The following NIPSNAP2 variants were observed in gnomAD, a reference collection of about 807,000 sequenced individuals.
The protein encoded by NIPSNAP2 is nipsnap homolog 2, also known as protein NipSnap homolog 2.
A neutral mutation model predicts 48.4 loss-of-function variants in NIPSNAP2; 42 were observed. The observed-to-expected ratio is 0.87, with a 90% CI of 0.68 to 1.12. The LOEUF (loss-of-function observed/expected upper bound fraction) is 1.12. NIPSNAP2 is among the 50% of genes most tolerant of loss of function. The pLI, the probability that NIPSNAP2 is intolerant of heterozygous loss-of-function variation, is 0.00. For missense variants in NIPSNAP2, 314 were observed against 347.3 expected, an observed-to-expected ratio of 0.90 and a Z score of 0.76; for synonymous variants, 158 against 126.6, an observed-to-expected ratio of 1.25 and a Z score of -1.67.
At chr7:55,982,897 C>T (rs1203033977) in intron 5 of NIPSNAP2, among the ~76,000 whole-genome samples, 1 of 152,080 alleles carries the variant, frequency 6.6e-6, no homozygotes, top group Non-Finnish European at 1.5e-5. Context: ...CCAAGGCAGG[C>T]ATATCAGTTG....
intron 7 of NIPSNAP2, among the ~76,000 whole-genome samples, chr7:55,991,450 T>C (rs1787441715): frequency 6.6e-6 from 1 of 151,682 alleles, no homozygotes; most frequent in African/African-American, 2.4e-5. Flanking sequence ...TATTCAGTTA[T>C]TTAAAAAATT....
At chr7:55,978,095 A>T in intron 1 of NIPSNAP2, 31 bp from the exon 2 acceptor site, 1 of 1,612,916 alleles carries the variant, frequency 6.2e-7, no homozygotes, top group Non-Finnish European at 8.5e-7. Flanking sequence ...AAAACAGTAT[A>T]CTGCGTGACA....
chr7:55,994,171 T>C (rs1787508142), intron 7 of NIPSNAP2, among the ~76,000 whole-genome samples: 1 of 152,166 alleles, frequency 6.6e-6, no homozygotes, highest in Non-Finnish European at 1.5e-5. Flanking sequence ...TACAGTGCCC[T>C]GTGGCACCTT....
intron 1 of NIPSNAP2, among the ~76,000 whole-genome samples, chr7:55,974,030 A>G (rs911389561): frequency 1.3e-5 from 2 of 151,996 alleles, no homozygotes; most frequent in East Asian, 2.0e-4. Flanking sequence ...TTCGAGACCA[A>G]CCTGGCCAAC....
At chr7:55,990,863 C>T (rs1787429915) in intron 7 of NIPSNAP2, among the ~76,000 whole-genome samples, 1 of 151,414 alleles carries the variant, frequency 6.6e-6, no homozygotes, top group Admixed American at 6.6e-5. Flanking sequence ...TCTCGGCTCA[C>T]TCCAATCTCT....
chr7:55,992,406 C>T (rs1277953542), intron 7 of NIPSNAP2, among the ~76,000 whole-genome samples: 2 of 152,136 alleles, frequency 1.3e-5, no homozygotes, highest in African/African-American at 4.8e-5. Flanking sequence ...AGGAGGCTCC[C>T]TCGAGCCCAA....
chr7:55,986,540 T>C (rs112986719), intron 7 of NIPSNAP2, among the ~76,000 whole-genome samples: 3 of 152,014 alleles, frequency 2.0e-5, no homozygotes, highest in African/African-American at 7.2e-5. Context: ...TGTGCACCTG[T>C]AGTTCCAGCT....
At chr7:55,995,430 A>G (rs2116378548) in intron 8 of NIPSNAP2, among the ~76,000 whole-genome samples, 1 of 151,872 alleles carries the variant, frequency 6.6e-6, no homozygotes, top group Admixed American at 6.6e-5. Flanking sequence ...CCCCCTCACC[A>G]TTTCCATCCC....
At chr7:55,990,390 G>A (rs528617920) in intron 7 of NIPSNAP2, among the ~76,000 whole-genome samples, 13 of 151,908 alleles carry the variant, frequency 8.6e-5, no homozygotes, top group East Asian at 3.9e-4. Flanking sequence ...CATCACACCC[G>A]GCTAATTTTT....
At chr7:55,977,993 T>C in intron 1 of NIPSNAP2, 133 bp from the exon 2 acceptor site, 2 of 951,588 alleles carry the variant, frequency 2.1e-6, no homozygotes, top group African/African-American at 1.6e-5. Context: ...GCTGTTGTCA[T>C]GGAAAGCAGG....
intron 7 of NIPSNAP2, among the ~76,000 whole-genome samples, chr7:55,987,004 A>AAC (rs1554343501): frequency 6.5e-4 from 94 of 144,094 alleles, no homozygotes; most frequent in African/African-American, 2.2e-3. Context: ...AAAAAAAAAA[A>AAC]AAAAAACTTG....
At chr7:55,988,001 A>G (rs1787366007) in intron 7 of NIPSNAP2, among the ~76,000 whole-genome samples, 1 of 152,152 alleles carries the variant, frequency 6.6e-6, no homozygotes, top group African/African-American at 2.4e-5. Context: ...GGCCAGGTGC[A>G]GTGGCTCACA....
chr7:55,997,221 G>T, intron 8 of NIPSNAP2, 145 bp from the exon 9 acceptor site: 1 of 493,176 alleles, frequency 2.0e-6, no homozygotes, highest in Non-Finnish European at 3.6e-6. Context: ...ATTTTGCTCA[G>T]AATTTCCCCA....
At chr7:55,974,267 AGAAAGAAAG>A (rs1367184599) in intron 1 of NIPSNAP2, among the ~76,000 whole-genome samples, 4 of 141,778 alleles carry the variant, frequency 2.8e-5, no homozygotes, top group Non-Finnish European at 4.7e-5. Context: ...GCAAAAAAAA[AGAAAGAAAG>A]AAAGAAAGAA....
intron 7 of NIPSNAP2, among the ~76,000 whole-genome samples, chr7:55,987,870 T>G (rs1391051119): frequency 6.6e-6 from 1 of 152,212 alleles, no homozygotes; most frequent in Non-Finnish European, 1.5e-5. Context: ...GAAAATGTTT[T>G]GGAGATCTGT....
intron 1 of NIPSNAP2, among the ~76,000 whole-genome samples, chr7:55,968,916 G>A (rs546400825): frequency 6.6e-6 from 1 of 152,080 alleles, no homozygotes; most frequent in East Asian, 1.9e-4. Flanking sequence ...GTGTGGTGGT[G>A]CAGGGCTGTA....
chr7:55,985,452 T>C (rs1245288057), intron 7 of NIPSNAP2, among the ~76,000 whole-genome samples: 2 of 151,814 alleles, frequency 1.3e-5, no homozygotes, highest in Admixed American at 1.3e-4. Flanking sequence ...TGCAAAAGAC[T>C]AGCCAGGTGC....
chr7:55,970,861 G>T (rs1286564973), intron 1 of NIPSNAP2, among the ~76,000 whole-genome samples: 1 of 152,010 alleles, frequency 6.6e-6, no homozygotes, highest in Non-Finnish European at 1.5e-5. Flanking sequence ...GCCCCTACTG[G>T]AGTCCCTCCT....
intron 3 of NIPSNAP2, 154 bp downstream of exon 3, chr7:55,978,549 T>C: frequency 2.8e-6 from 2 of 703,620 alleles, no homozygotes; most frequent in Admixed American, 3.2e-5. Context: ...TCATGTGGGA[T>C]TGCCGAAGGC....
Sources: allele counts gnomAD v4.1 joint callset (sites outside exome capture counted in the v4.1 genomes callset), GRCh38; gene constraint gnomAD v4.1.1; transcripts MANE v1.5; gene names NCBI Gene and HGNC (gene_info 2026-07-23, HGNC 2026-07-21).